The following PHF20 variants were observed in gnomAD, a reference collection of about 807,000 sequenced individuals.
The protein encoded by PHF20 is glioma-expressed antigen 2.
PHF20 carries 23 observed loss-of-function variants against 113.5 expected under a neutral mutation model. The observed-to-expected ratio is 0.20, with a 90% confidence interval of 0.15 to 0.29. PHF20 has a LOEUF of 0.29. Ranked by LOEUF, PHF20 falls within the 10% of genes least tolerant of loss-of-function variation. The pLI, the probability that PHF20 is intolerant of heterozygous loss-of-function variation, is 1.00. For missense variants in PHF20, 943 were observed against 1,219.6 expected (o/e 0.77, Z 3.38); for synonymous variants, 434 against 457.3 (o/e 0.95, Z 0.65).
At chr20:35,775,631 G>A (rs1215329716) in intron 1 of PHF20, among the ~76,000 whole-genome samples, 1 of 151,444 alleles carries the variant, frequency 6.6e-6, no homozygotes, top group Non-Finnish European at 1.5e-5. Context: ...GCAGGCACCT[G>A]TAATCCCAGC....
intron 2 of PHF20, among the ~76,000 whole-genome samples, chr20:35,815,350 G>T (rs2042053686): frequency 4.6e-5 from 7 of 152,082 alleles, no homozygotes; most frequent in Admixed American, 4.6e-4. Context: ...GGCTGAGGTG[G>T]GCAGATCACT....
chr20:35,936,669 G>T (rs1247355748), intron 15 of PHF20, among the ~76,000 whole-genome samples: 3 of 152,108 alleles, frequency 2.0e-5, no homozygotes, highest in Non-Finnish European at 4.4e-5. Flanking sequence ...ATACATAAAG[G>T]ACAGTTGATT....
chr20:35,871,145 C>G lies in PHF20; in HGVS notation c.1102+11C>G. The G allele has an allele frequency of 6.2e-7, 1 of 1,603,742 alleles. No homozygotes were observed. The highest frequency in any genetic ancestry group is 8.5e-7 in the Non-Finnish European group (1 of 1,176,526). ...AGGAATCTGAAGAAGGTGAGTCAGT[C>G]TGTTCAGGAATTGTCTTGCCAACCT... On this transcript the variant is annotated intron_variant, in intron 8 of 17. Transcript: ENST00000374012.
intron 10 of PHF20, among the ~76,000 whole-genome samples, chr20:35,912,660 C>T (rs2055328288): frequency 6.6e-6 from 1 of 152,046 alleles, no homozygotes; most frequent in Admixed American, 6.6e-5. Flanking sequence ...AGTGAAACCC[C>T]ATCTCTACTA....
chr20:35,943,502 A>C (rs1260597018), intron 17 of PHF20, among the ~76,000 whole-genome samples: 1 of 151,548 alleles, frequency 6.6e-6, no homozygotes, highest in Non-Finnish European at 1.5e-5. Context: ...TCTTTAAAAA[A>C]AAAAAAAAAA....
intron 5 of PHF20, among the ~76,000 whole-genome samples, chr20:35,862,486 A>T (rs777092240): frequency 6.6e-6 from 1 of 152,168 alleles, no homozygotes; most frequent in Non-Finnish European, 1.5e-5. Flanking sequence ...CCAATACTTT[A>T]GGAGGCTGAG....
chr20:35,800,194 ATTG>A (rs2041751581), intron 1 of PHF20: 1 of 152,170 alleles, frequency 6.6e-6, no homozygotes, highest in Middle Eastern at 3.4e-3. Context: ...TTACTGTTTT[ATTG>A]TTCTATGATT....
chr20:35,929,769 GA>G (rs2055715239), intron 14 of PHF20, among the ~76,000 whole-genome samples: 1 of 152,202 alleles, frequency 6.6e-6, no homozygotes, highest in Non-Finnish European at 1.5e-5. Flanking sequence ...TCCTTGAACT[GA>G]GCACAGCATG....
At chr20:35,894,624 A>G (rs1363371482) in intron 9 of PHF20, among the ~76,000 whole-genome samples, 1 of 152,202 alleles carries the variant, frequency 6.6e-6, no homozygotes, top group Admixed American at 6.5e-5. Flanking sequence ...AATATTGAGC[A>G]CTTATGTGCC....
chr20:35,903,761 A>G (rs915417715), intron 10 of PHF20, among the ~76,000 whole-genome samples: 6 of 152,148 alleles, frequency 3.9e-5, no homozygotes, highest in African/African-American at 1.4e-4. Flanking sequence ...CGGTATTATC[A>G]TATGTGGATG....
chr20:35,914,135 A>G lies in PHF20; in HGVS notation c.1763A>G (p.His588Arg), dbSNP rs775211499. 2 of 1,614,092 alleles carry G rather than the reference A, an allele frequency of 1.2e-6. No homozygotes were observed. The highest frequency in any genetic ancestry group is 4.5e-5 in the East Asian group (2 of 44,898). ...GGGTCCTCACACAAGCCAGGGGTCC[A>G]TATGAGCCCGCAGCTTCATGGCCCA... ...RCGSSHKPGV[H>R]MSPQLHGPES... is the part of the protein sequence containing the mutation. The change falls in exon 12 of 18, where the codon CAT (histidine) becomes CGT (arginine). Residue 588 changes from histidine to arginine, a missense_variant. By Grantham distance (29) the His-to-Arg change is conservative (BLOSUM62 0). This residue lies in a region of PHF20 where 592 missense variants were observed against 787.2 expected (regional missense o/e 0.75). Transcript: ENST00000374012.
At chr20:35,881,855 C>T (rs549123199) in intron 9 of PHF20, among the ~76,000 whole-genome samples, 23 of 152,380 alleles carry the variant, frequency 1.5e-4, no homozygotes, top group African/African-American at 5.3e-4. Context: ...GGGCCATACA[C>T]TGGCCTGCAG....
At chr20:35,811,219 G>A (rs1600765820) in intron 2 of PHF20, among the ~76,000 whole-genome samples, 2 of 151,474 alleles carry the variant, frequency 1.3e-5, no homozygotes, top group African/African-American at 4.9e-5. Flanking sequence ...GCTAATTTTT[G>A]TATTTTTAGT....
intron 10 of PHF20, among the ~76,000 whole-genome samples, chr20:35,901,847 A>G (rs1365743421): frequency 6.6e-6 from 1 of 152,214 alleles, no homozygotes; most frequent in Non-Finnish European, 1.5e-5. Flanking sequence ...TGTGAATCCC[A>G]TCTGTTGCCT....
At chr20:35,841,186 AATACAAAAATTAGCACTG>A (rs1200608314) in intron 2 of PHF20, among the ~76,000 whole-genome samples, 3 of 151,972 alleles carry the variant, frequency 2.0e-5, no homozygotes, top group African/African-American at 7.2e-5. Flanking sequence ...CTCTACAAAA[AATACAAAAATTAGCACTG>A]TATGGTGGTG....
chr20:35,863,703 C>G (rs1003552336), intron 6 of PHF20, among the ~76,000 whole-genome samples: 2 of 152,082 alleles, frequency 1.3e-5, no homozygotes, highest in Non-Finnish European at 2.9e-5. Flanking sequence ...TATGCTTTTT[C>G]AAATGATCTC....
At chr20:35,796,313 GA>G (rs2041666039) in intron 1 of PHF20, among the ~76,000 whole-genome samples, 1 of 152,122 alleles carries the variant, frequency 6.6e-6, no homozygotes, top group East Asian at 1.9e-4. Flanking sequence ...CTACTGTAAT[GA>G]ATTTTGATTA....
chr20:35,941,706 G>C (rs2055982879), intron 17 of PHF20, among the ~76,000 whole-genome samples: 1 of 152,156 alleles, frequency 6.6e-6, no homozygotes, highest in African/African-American at 2.4e-5. Flanking sequence ...TGTTGTTTGA[G>C]GATTCTGGGT....
intron 10 of PHF20, among the ~76,000 whole-genome samples, chr20:35,906,109 T>C (rs760844613): frequency 3.9e-5 from 6 of 152,226 alleles, no homozygotes; most frequent in Non-Finnish European, 7.3e-5. Context: ...TTATTACTTA[T>C]TGCTACATCT....
Sources: gnomAD v4.1 joint callset for allele counts (sites outside exome capture counted in the v4.1 genomes callset) on GRCh38, gnomAD v4.1.1 for gene constraint, gnomAD v4.1.1 regional missense constraint, MANE v1.5 for transcripts, NCBI Gene and HGNC (gene_info 2026-07-23, HGNC 2026-07-21) for gene names.